Variants in DPH6 observed in about 807,000 individuals in gnomAD.
DPH6 encodes diphthine--ammonia ligase.
A neutral mutation model predicts 38.2 loss-of-function variants in DPH6; 33 were observed. The observed-to-expected ratio is 0.86, with a 90% CI of 0.65 to 1.15. The LOEUF (loss-of-function observed/expected upper bound fraction) is 1.15, where lower values mean the gene tolerates loss of function less well. Ranked by LOEUF, DPH6 falls within the 50% of genes most tolerant of loss-of-function variation. The pLI, the probability that DPH6 is intolerant of heterozygous loss-of-function variation, is 0.00. For missense variants in DPH6, 325 were observed against 320.0 expected, an observed-to-expected ratio of 1.02 and a Z score of -0.12; for synonymous variants, 108 against 103.0, an observed-to-expected ratio of 1.05 and a Z score of -0.30.
At chr15:35,488,712 A>G (rs1452691821) in intron 3 of DPH6, among the ~76,000 whole-genome samples, 2 of 152,206 alleles carry the variant, frequency 1.3e-5, no homozygotes, top group African/African-American at 4.8e-5. Flanking sequence ...TGAAAAAGAA[A>G]ACAGGAATTG....
At chr15:35,393,502 TATGA>T (rs2053087334) in intron 6 of DPH6, among the ~76,000 whole-genome samples, 1 of 152,164 alleles carries the variant, frequency 6.6e-6, no homozygotes. Flanking sequence ...TGTGCAGAAG[TATGA>T]ATGGAGGACA....
chr15:35,282,702 T>G (rs1224991083), intron 3 of DPH6: 4 of 382,794 alleles, frequency 1.0e-5, no homozygotes, highest in Non-Finnish European at 1.6e-5. Flanking sequence ...TACATTGATG[T>G]GCCATGCCTT....
chr15:35,384,161 G>A (rs950681568), intron 6 of DPH6, among the ~76,000 whole-genome samples: 1 of 152,160 alleles, frequency 6.6e-6, no homozygotes, highest in Non-Finnish European at 1.5e-5. Context: ...TTGTATCCTA[G>A]CACTTAATCA....
intron 3 of DPH6, among the ~76,000 whole-genome samples, chr15:35,229,020 G>A (rs1045475674): frequency 6.6e-6 from 1 of 152,084 alleles, no homozygotes; most frequent in Non-Finnish European, 1.5e-5. Flanking sequence ...TAAATGCCCT[G>A]AGGTAGTCTT....
At chr15:35,349,801 C>T (rs2052494430) in intron 3 of DPH6, among the ~76,000 whole-genome samples, 1 of 152,160 alleles carries the variant, frequency 6.6e-6, no homozygotes, top group Non-Finnish European at 1.5e-5. Context: ...ATTGAACCAT[C>T]TTCTTGCATT....
intron 3 of DPH6, among the ~76,000 whole-genome samples, chr15:35,297,365 A>G (rs1457127655): frequency 5.5e-5 from 8 of 145,988 alleles, no homozygotes; most frequent in Non-Finnish European, 1.0e-4. Flanking sequence ...TTAGGTTTTC[A>G]TCTCCACTGA....
chr15:35,236,680 T>C (rs1258822721), intron 3 of DPH6, among the ~76,000 whole-genome samples: 1 of 152,072 alleles, frequency 6.6e-6, no homozygotes, highest in Non-Finnish European at 1.5e-5. Context: ...TCAAGTGTTA[T>C]TGGTAATCAG....
Position 35,372,218 on chromosome 15 carries a change from GA to G in DPH6, c.751-16del. The G allele has an allele frequency of 6.8e-7, 1 of 1,479,892 alleles. No individual in the cohort carries two copies. Among genetic ancestry groups the G allele is most frequent in the Admixed American group, 2.7e-5 (1 of 37,232 alleles). The allele number at this position is 1,479,892 out of a possible 1,614,324, so 91.7% of individuals were successfully genotyped here. A position where few individuals can be genotyped will look rare whatever the true frequency, so the allele number is the denominator to read the frequency against. On this transcript the variant is annotated splice_polypyrimidine_tract_variant and intron_variant, in intron 8 of 8. Transcript: ENST00000256538. ...ACTGAGGACACCTAAAAAAAAAAGG[GA>G]AGGAAAGGGAAGGAAAATGCACCAT...
chr15:35,373,441 G>C (rs1298777013), intron 8 of DPH6, 80 bp downstream of exon 8: 8 of 1,210,262 alleles, frequency 6.6e-6, no homozygotes, highest in Non-Finnish European at 9.0e-6. Context: ...GTCATCTGTT[G>C]TTACAGAATT....
chr15:35,305,962 G>A (rs2052087368), intron 3 of DPH6, among the ~76,000 whole-genome samples: 1 of 152,168 alleles, frequency 6.6e-6, no homozygotes, highest in Non-Finnish European at 1.5e-5. Context: ...AAGCCAGCTG[G>A]TTCCTTTCAA....
rs2052713374 is a variant in DPH6, at chr15:35,371,533, T to C, written c.*617A>G. The C allele has an allele frequency of 2.1e-6, 2 of 955,226 alleles. No homozygotes were observed. Among genetic ancestry groups the C allele is most frequent in the Admixed American group, 1.2e-4 (2 of 16,140 alleles). 59.2% of individuals were successfully genotyped at this position (955,226 alleles called of 1,614,324 possible). A position where few individuals can be genotyped will look rare whatever the true frequency, so the allele number is the denominator to read the frequency against. ...TAAAACTGTTCTAAAACATAAAGTC[T>C]ATTTTTTGTAAAAGTTTTCTAAGGT... On this transcript the variant is annotated 3_prime_UTR_variant, in exon 9 of 9. Transcript: ENST00000256538.
At chr15:35,261,694 G>A (rs1218763658) in intron 3 of DPH6, among the ~76,000 whole-genome samples, 1 of 152,066 alleles carries the variant, frequency 6.6e-6, no homozygotes, top group African/African-American at 2.4e-5. Flanking sequence ...TTATTTGGGT[G>A]TGGTGGCGTA....
chr15:35,298,041 TTC>T (rs1367574484), intron 3 of DPH6, among the ~76,000 whole-genome samples: 4 of 152,174 alleles, frequency 2.6e-5, no homozygotes, highest in Non-Finnish European at 5.9e-5. Flanking sequence ...CTCTAACATT[TTC>T]TTTTTGTTTT....
chr15:35,529,264 A>G (rs1001713570), intron 3 of DPH6, among the ~76,000 whole-genome samples: 1 of 152,162 alleles, frequency 6.6e-6, no homozygotes, highest in South Asian at 2.1e-4. Flanking sequence ...GAAACTTACA[A>G]TCATGGCAGA....
the DPH6 span, among the ~76,000 whole-genome samples, chr15:35,184,590 G>T: frequency 6.6e-6 from 1 of 151,994 alleles, no homozygotes; most frequent in Non-Finnish European, 1.5e-5. Flanking sequence ...TGATTGCTTT[G>T]AATTCCTTGA....
intron 3 of DPH6, among the ~76,000 whole-genome samples, chr15:35,289,274 T>C (rs377299655): frequency 3.3e-5 from 5 of 152,200 alleles, no homozygotes; most frequent in South Asian, 2.1e-4. Context: ...CATGGCCACA[T>C]TGCTGAAATA....
chr15:35,222,676 A>T (rs1196893218), intron 3 of DPH6, among the ~76,000 whole-genome samples: 3 of 152,156 alleles, frequency 2.0e-5, no homozygotes, highest in African/African-American at 7.2e-5. Context: ...GGCTCAGTGA[A>T]TCTGCATTTT....
At chr15:35,326,226 C>T (rs1220897397), downstream of DPH6, among the ~76,000 whole-genome samples, 2 of 152,116 alleles carry the variant, frequency 1.3e-5, no homozygotes, top group Non-Finnish European at 2.9e-5. Flanking sequence ...CATATCCACA[C>T]ATAAAAACAG....
intron 3 of DPH6, among the ~76,000 whole-genome samples, chr15:35,291,829 T>C (rs368513930): frequency 1.1e-4 from 16 of 152,260 alleles, no homozygotes; most frequent in Admixed American, 5.2e-4. Flanking sequence ...TCTTGAGAGA[T>C]ATATATTTTT....
Sources: allele counts gnomAD v4.1 joint callset (sites outside exome capture counted in the v4.1 genomes callset), GRCh38; gene constraint gnomAD v4.1.1; transcripts MANE v1.5; gene names NCBI Gene and HGNC (gene_info 2026-07-23, HGNC 2026-07-21).